NLRP5: variants seen among roughly 807,000 people sequenced by gnomAD.
NLRP5 encodes NLR family pyrin domain containing 5.
Under a neutral mutation model 113.1 loss-of-function variants are expected in NLRP5, and 93 were observed. The observed-to-expected ratio is 0.82, with a 90% confidence interval of 0.70 to 0.98. NLRP5 has a LOEUF of 0.98. Ranked by LOEUF, NLRP5 falls within the 50% of genes least tolerant of loss-of-function variation. The pLI is 0.00. For synonymous variants in NLRP5, 751 were observed against 600.7 expected (o/e 1.25, Z -3.66); for missense variants, 1,808 against 1,514.3 (o/e 1.19, Z -3.22).
chr19:55,995,084 T>C (rs955190111), upstream of NLRP5, among the ~76,000 whole-genome samples: 1 of 152,068 alleles, frequency 6.6e-6, no homozygotes, highest in African/African-American at 2.4e-5. Context: ...CTGGAAACTA[T>C]CATTCTGAGC....
At chr19:56,013,608 T>TTTTTTTTTTTTTTTTTTTTTTTTTTTTG (rs1982295096) in intron 3 of NLRP5, among the ~76,000 whole-genome samples, 1 of 139,286 alleles carries the variant, frequency 7.2e-6, no homozygotes, top group Non-Finnish European at 1.5e-5. Flanking sequence ...TTTTTTTTTT[T>TTTTTTTTTTTTTTTTTTTTTTTTTTTTG]TTTTTTTTTG....
At position 56,007,506 on chromosome 19, in the gene NLRP5, T is replaced by A. The variant is rs904962709; in HGVS notation, c.443-1282T>A. On this transcript the variant is annotated intron_variant, in intron 2 of 14. Coordinates refer to ENST00000390649, the MANE Select transcript of NLRP5 (RefSeq NM_153447.4). ...GCCTGAGCATGGTAGAGAAAAACAT[T>A]CTGAGCATAAAGTCAGGGCATCCCA... Among the ~76,000 whole-genome samples the A allele has an allele frequency of 1.1e-4, 17 of 150,866 alleles. 2 individuals carry two copies. Among genetic ancestry groups the A allele is most frequent in the African/African-American group, 4.2e-4 (17 of 40,346 alleles).
Position 56,019,939 on chromosome 19 carries a change from C to T in NLRP5, c.623-436C>T, listed in dbSNP as rs145786989. 7.4e-4 allele frequency among the ~76,000 whole-genome samples: 112 copies of T among 151,360 alleles called. 1 individual carries two copies. The highest frequency in any genetic ancestry group is 1.8e-3 in the Admixed American group (28 of 15,212). On this transcript the variant is annotated intron_variant, in intron 5 of 14. Coordinates refer to ENST00000390649, the MANE Select transcript of NLRP5 (RefSeq NM_153447.4). ...GCAACCTCTGCCTCCCAGGTTCAAG[C>T]GATTCTTCTGTCTCAGCCTCCCGAG...
At chr19:56,008,629 CTT>C (rs1183587822) in intron 2 of NLRP5, among the ~76,000 whole-genome samples, 157 bp from the exon 3 acceptor site, 5 of 152,140 alleles carry the variant, frequency 3.3e-5, no homozygotes, top group Non-Finnish European at 5.9e-5. Context: ...GAAAGTCTGA[CTT>C]TGTTGTCTCC....
intron 13 of NLRP5, among the ~76,000 whole-genome samples, chr19:56,057,645 T>C (rs1294367944): frequency 6.6e-6 from 1 of 152,200 alleles, no homozygotes; most frequent in Non-Finnish European, 1.5e-5. Context: ...CTTTCTTTCA[T>C]TGTTTTCCAC....
At position 56,015,787 on chromosome 19, in the gene NLRP5, C is replaced by A. The variant is rs545544725; in HGVS notation, c.554C>A (p.Thr185Lys). 6.4e-7 allele frequency: 1 copy of A among 1,568,966 alleles called. No homozygotes were observed. Among genetic ancestry groups the A allele is most frequent in the South Asian group, 1.2e-5 (1 of 84,506 alleles). ...CAAGATAGTGCCACAGCTGCAGAGA[C>A]AAAAGAACAAGGTGAATGAAATAGA... The change falls in exon 4 of 15, where the codon ACA becomes AAA. Residue 185 changes from threonine to lysine, a missense_variant. Physicochemically the swap from Thr to Lys is moderately conservative, Grantham distance 78 (BLOSUM62 -1). Coordinates refer to ENST00000390649, the MANE Select transcript of NLRP5 (RefSeq NM_153447.4).
chr19:55,988,119 G>A, the NLRP5 span: 8 of 474,122 alleles, frequency 1.7e-5, no homozygotes, highest in South Asian at 4.6e-5. Flanking sequence ...AAGGCTGGGC[G>A]TGGTGGCTCA....
chr19:55,990,079 CTTTT>C, the NLRP5 span, among the ~76,000 whole-genome samples: 1,588 of 95,740 alleles, frequency 0.017, 24 homozygotes, highest in African/African-American at 0.023. Flanking sequence ...TTTCTTTTTT[CTTTT>C]TTTTTTTTTT....
At chr19:56,018,650 TATCCAC>T (rs1982496836) in intron 4 of NLRP5, 1 of 152,264 alleles carries the variant, frequency 6.6e-6, no homozygotes, top group Non-Finnish European at 1.5e-5. Context: ...ATGCAGTGGC[TATCCAC>T]AAGCATGACC....
chr19:56,059,847 A>G (rs1023299490), intron 14 of NLRP5, among the ~76,000 whole-genome samples: 4 of 152,222 alleles, frequency 2.6e-5, no homozygotes, highest in Non-Finnish European at 4.4e-5. Flanking sequence ...ATTTATATCA[A>G]TAGAAAATTT....
At chr19:56,036,357 G>A (rs1357992700) in intron 9 of NLRP5, among the ~76,000 whole-genome samples, 1 of 150,458 alleles carries the variant, frequency 6.6e-6, no homozygotes, top group Non-Finnish European at 1.5e-5. Context: ...TTGAGCCACT[G>A]CGCCTGGCTG....
intron 6 of NLRP5, among the ~76,000 whole-genome samples, chr19:56,025,708 C>T (rs1440890888): frequency 6.6e-6 from 1 of 152,056 alleles, no homozygotes; most frequent in African/African-American, 2.4e-5. Context: ...GCACATCCGG[C>T]CATTCCCCTC....
chr19:56,001,683 G>A (rs1981657879), intron 1 of NLRP5, among the ~76,000 whole-genome samples: 1 of 152,114 alleles, frequency 6.6e-6, no homozygotes, highest in Non-Finnish European at 1.5e-5. Flanking sequence ...TTTTACTTTG[G>A]TGGGATGCTT....
chr19:56,035,125 G>A (rs921753808), intron 9 of NLRP5, among the ~76,000 whole-genome samples: 1 of 152,054 alleles, frequency 6.6e-6, no homozygotes, highest in African/African-American at 2.4e-5. Flanking sequence ...TTTTAGTAGA[G>A]ATGGGGGTTT....
At chr19:55,998,576 C>T (rs2123256932), upstream of NLRP5, among the ~76,000 whole-genome samples, 1 of 150,846 alleles carries the variant, frequency 6.6e-6, no homozygotes, top group African/African-American at 2.4e-5. Context: ...TTGCTTGAAC[C>T]CGGGAGGTGG....
chr19:56,005,659 G>A (rs907130682), intron 2 of NLRP5, among the ~76,000 whole-genome samples: 1 of 151,568 alleles, frequency 6.6e-6, no homozygotes, highest in African/African-American at 2.4e-5. Flanking sequence ...CAGGTGGCAT[G>A]CCTGCACATC....
chr19:56,058,250 T>C lies in NLRP5; in HGVS notation c.3310T>C (p.Cys1104Arg), dbSNP rs149176940. The C allele has an allele frequency of 6.2e-7, 1 of 1,613,488 alleles. No homozygotes were observed. The highest frequency in any genetic ancestry group is 1.3e-5 in the African/African-American group (1 of 74,918). Reference sequence around the variant, plus strand: ...GTCCTGACCCTGCAGGTTGAAGGCATGTGGACTGACTTCTGATTGCTGTGA... The same window carrying C: ...GTCCTGACCCTGCAGGTTGAAGGCACGTGGACTGACTTCTGATTGCTGTGA... The change falls in exon 14 of 15, where the codon TGT (cysteine) becomes CGT (arginine). Residue 1104 changes from cysteine to arginine, a missense_variant. Coordinates refer to ENST00000390649, the MANE Select transcript of NLRP5 (RefSeq NM_153447.4).
chr19:56,059,923 A>C (rs1237818537), intron 14 of NLRP5, among the ~76,000 whole-genome samples: 1 of 152,196 alleles, frequency 6.6e-6, no homozygotes, highest in Non-Finnish European at 1.5e-5. Context: ...TCCAGGGTTC[A>C]AGTTATGGCA....
Position 56,050,454 on chromosome 19 carries a change from T to A in NLRP5, c.2994T>A (p.Gly998=). 6.2e-7 allele frequency: 1 copy of A among 1,613,560 alleles called. No individual in the cohort carries two copies. Among genetic ancestry groups the A allele is most frequent in the East Asian group, 2.2e-5 (1 of 44,864 alleles). The change falls in exon 12 of 15, where the codon GGT becomes GGA. Residue 998 remains glycine (G), a synonymous_variant. Coordinates refer to ENST00000390649, the MANE Select transcript of NLRP5 (RefSeq NM_153447.4). ...GCCACCTGGACACGGCTGGCTGTGG[T>A]TTTCTTGCACTTGCGCTTATGGGTA...
Sources: allele counts gnomAD v4.1 joint callset (sites outside exome capture counted in the v4.1 genomes callset), GRCh38; gene constraint gnomAD v4.1.1; transcripts MANE v1.5; gene names NCBI Gene and HGNC (gene_info 2026-07-23, HGNC 2026-07-21).